ZNF491: variants seen among roughly 807,000 people sequenced by gnomAD.
The protein encoded by ZNF491 is zinc finger protein 491.
A neutral mutation model predicts 34.7 loss-of-function variants in ZNF491; 22 were observed. That is an observed-to-expected ratio of 0.63 (90% confidence interval 0.45 to 0.90). ZNF491 has a LOEUF of 0.90. Ranked by LOEUF, ZNF491 falls within the 40% of genes least tolerant of loss-of-function variation. The pLI, the probability that ZNF491 is intolerant of heterozygous loss-of-function variation, is 0.00. For missense variants in ZNF491, 559 were observed against 531.7 expected (o/e 1.05, Z -0.51); for synonymous variants, 148 against 174.3 (o/e 0.85, Z 1.19).
At chr19:11,799,312 G>A (rs1975533069) in intron 1 of ZNF491, 1 of 152,118 alleles carries the variant, frequency 6.6e-6, no homozygotes, top group Admixed American at 6.5e-5. Flanking sequence ...AAGAAGCTGG[G>A]AATGGCCCAT....
In ZNF491 at chr19:11,807,134, G is replaced by T. The variant is rs1338501591; in HGVS notation, c.1181G>T (p.Cys394Phe). The change falls in exon 3 of 3, where the codon TGT (cysteine) becomes TTT (phenylalanine). Residue 394 changes from cysteine to phenylalanine, a missense_variant. By Grantham distance (205) the Cys-to-Phe change is radical. Transcript: ENST00000323169. Reference sequence around the variant, plus strand: ...AAGCATTGTGGGAAAGCCTTCACTTGTTCCATATATATTAGAATACATGAA... The same window carrying T: ...AAGCATTGTGGGAAAGCCTTCACTTTTTCCATATATATTAGAATACATGAA... ...ECKHCGKAFTCSIYIRIHERI... is the reference protein window; with the variant it reads ...ECKHCGKAFTFSIYIRIHERI... The T allele has an allele frequency of 6.2e-7, 1 of 1,612,188 alleles. No homozygotes were observed. The highest frequency in any genetic ancestry group is 8.5e-7 in the Non-Finnish European group (1 of 1,179,396).
intron 1 of ZNF491, among the ~76,000 whole-genome samples, chr19:11,804,211 A>C (rs1192750301): frequency 2.6e-3 from 387 of 149,860 alleles, no homozygotes; most frequent in Middle Eastern, 6.9e-3. Context: ...TCAGACAAAA[A>C]AAAAAAAAAA....
chr19:11,807,181 C>T lies in ZNF491; in HGVS notation c.1228C>T (p.Pro410Ser). The change falls in exon 3 of 3, where the codon CCT becomes TCT. Residue 410 changes from proline (P) to serine (S), a missense_variant. Coordinates refer to ENST00000323169, the MANE Select transcript of ZNF491 (RefSeq NM_152356.4). Reference sequence around the variant, plus strand: ...TGAAAGAATTCACACTGGAGAGAAACCTTACCAATGTAAGGAATGTGGGAA... The same window carrying T: ...TGAAAGAATTCACACTGGAGAGAAATCTTACCAATGTAAGGAATGTGGGAA... ...IHERIHTGEK[P>S]YQCKECGKAF... is the part of the protein sequence containing the mutation. 4 of 1,602,722 alleles carry T rather than the reference C, an allele frequency of 2.5e-6. No homozygotes were observed. The highest frequency in any genetic ancestry group is 3.4e-6 in the Non-Finnish European group (4 of 1,175,884).
In ZNF491 at chr19:11,807,538, C is replaced by T. The variant is rs1227983379; in HGVS notation, c.*271C>T. On this transcript the variant is annotated 3_prime_UTR_variant, in exon 3 of 3. Transcript: ENST00000323169. ...ACATGGGCTGTGTGGCCCCCTGATT[C>T]TAGCCCATTTTCCTGATTCTCTGGC... 2.9e-6 allele frequency: 1 copy of T among 348,728 alleles called. No individual in the cohort carries two copies. Among genetic ancestry groups the T allele is most frequent in the African/African-American group, 2.1e-5 (1 of 47,442 alleles). The allele number at this position is 348,728 out of a possible 1,614,324, so 21.6% of individuals were successfully genotyped here. A position where few individuals can be genotyped will look rare whatever the true frequency, so the allele number is the denominator to read the frequency against.
In ZNF491 at chr19:11,806,775, GAT is replaced by G. The variant is rs1201523486; in HGVS notation, c.825_826del (p.Ile275MetfsTer15). Reference sequence around the variant, plus strand: ...CTGGAGAGAGGCCTCATAAATGTAAGATATGTGGGAAAGCCTTTTACTCTCCC... The same window carrying G: ...CTGGAGAGAGGCCTCATAAATGTAAGATGTGGGAAAGCCTTTTACTCTCCC... ...HTGERPHKCK[I>X]CGKAFYSPSS... On this transcript the variant is annotated frameshift_variant, in exon 3 of 3. Coordinates refer to ENST00000323169, the MANE Select transcript of ZNF491 (RefSeq NM_152356.4). LOFTEE classifies it high-confidence loss of function. The G allele has an allele frequency of 6.2e-7, 1 of 1,612,796 alleles. No homozygotes were observed. The highest frequency in any genetic ancestry group is 1.3e-5 in the African/African-American group (1 of 74,948).
At position 11,806,152 on chromosome 19, in the gene ZNF491, T is replaced by A. The variant is rs778715617; in HGVS notation, c.199T>A (p.Cys67Ser). 1 of 1,613,844 alleles carries A rather than the reference T, an allele frequency of 6.2e-7. No homozygotes were observed. The highest frequency in any genetic ancestry group is 8.5e-7 in the Non-Finnish European group (1 of 1,180,030). ...TGACACTGGACACCAACCACATAAG[T>A]GTCAGAAATTTTTAGAGAAGCCATA... ...RTDTGHQPHK[C>S]QKFLEKPYKH... is the part of the protein sequence containing the mutation. Residue 67 changes from cysteine (C) to serine (S), a missense_variant, in exon 3 of 3, where the codon TGT becomes AGT. Cys to Ser is a moderately radical substitution (Grantham distance 112, BLOSUM62 -1). Transcript: ENST00000323169.
chr19:11,802,341 T>C (rs55972630), intron 1 of ZNF491, among the ~76,000 whole-genome samples: 27,522 of 152,158 alleles, frequency 0.18, 3,161 homozygotes, highest in Non-Finnish European at 0.26. Flanking sequence ...CCATTTGGCA[T>C]GTTTGATGTG....
At position 11,798,746 on chromosome 19, in the gene ZNF491, C is replaced by G. The variant is rs1271576382; in HGVS notation, c.-134+19C>G. ...GGAAATGGTAAAGTGCCCGGCCTAG[C>G]GTCCAGATACGTGGAAGAGGGGCTG... is the stretch of plus-strand genomic sequence containing the variant. On this transcript the variant is annotated intron_variant, in intron 1 of 2. Transcript: ENST00000323169. This position sits in a 1 kb window ranked among gnomAD's most constrained non-coding sequence, Gnocchi z 4.0. 1 of 152,366 alleles carries G rather than the reference C, an allele frequency of 6.6e-6. No homozygotes were observed. Among genetic ancestry groups the G allele is most frequent in the Non-Finnish European group, 1.5e-5 (1 of 68,154 alleles). 9.4% of individuals were successfully genotyped at this position (152,366 alleles called of 1,614,324 possible). A position where few individuals can be genotyped will look rare whatever the true frequency, so the allele number is the denominator to read the frequency against.
At position 11,806,940 on chromosome 19, in the gene ZNF491, TAAGCA is replaced by T. The variant is rs769907045; in HGVS notation, c.989_993del (p.Lys330MetfsTer21). On this transcript the variant is annotated frameshift_variant, in exon 3 of 3. Coordinates refer to ENST00000323169, the MANE Select transcript of ZNF491 (RefSeq NM_152356.4). LOFTEE classifies it high-confidence loss of function. ...ACACTGGAGAGAAACCCGATGGGTG[TAAGCA>T]ATGTGGGAAAGCCTTCAGATCTGCC... 8.1e-6 allele frequency: 13 copies of T among 1,613,396 alleles called. No homozygotes were observed. In the East Asian group the frequency reaches 2.9e-4, roughly 36 times the overall value.
At chr19:11,804,259 A>G (rs576343836) in intron 1 of ZNF491, among the ~76,000 whole-genome samples, 5 of 150,368 alleles carry the variant, frequency 3.3e-5, no homozygotes, top group Non-Finnish European at 3.0e-5. Flanking sequence ...TACCATGTCC[A>G]GAGGGTCCAT....
At position 11,798,815 on chromosome 19, in the gene ZNF491, G is replaced by C. The variant is rs1389460205; in HGVS notation, c.-134+88G>C. 1.3e-5 allele frequency: 2 copies of C among 152,306 alleles called. No homozygotes were observed. The highest frequency in any genetic ancestry group is 3.9e-4 in the East Asian group (2 of 5,194). The allele number at this position is 152,306 out of a possible 1,614,324, so 9.4% of individuals were successfully genotyped here. ...CTGCTGTGGCGGGACCCAGGCCTCCGCTCGGGCGACCCCGGCGATTGGGAC... is the reference window on the plus strand; with the variant it reads ...CTGCTGTGGCGGGACCCAGGCCTCCCCTCGGGCGACCCCGGCGATTGGGAC... On this transcript the variant is annotated intron_variant, in intron 1 of 2. Transcript: ENST00000323169. This position sits in a 1 kb window ranked among gnomAD's most constrained non-coding sequence, Gnocchi z 4.0.
chr19:11,800,952 G>A (rs1030611080), intron 1 of ZNF491, among the ~76,000 whole-genome samples: 3 of 151,820 alleles, frequency 2.0e-5, no homozygotes, highest in Non-Finnish European at 2.9e-5. Context: ...CGGGAGGATC[G>A]CTTGAGCCCC....
chr19:11,800,951 C>A (rs550723173), intron 1 of ZNF491, among the ~76,000 whole-genome samples: 9 of 151,764 alleles, frequency 5.9e-5, no homozygotes, highest in African/African-American at 2.2e-4. Context: ...GCGGGAGGAT[C>A]GCTTGAGCCC....
intron 1 of ZNF491, among the ~76,000 whole-genome samples, chr19:11,800,058 G>A (rs915268804): frequency 6.6e-6 from 1 of 152,188 alleles, no homozygotes; most frequent in Non-Finnish European, 1.5e-5. Flanking sequence ...CAGCTAATAG[G>A]CAAGGTGAGG....
chr19:11,804,206 C>CAAAAA (rs71166629), intron 1 of ZNF491, among the ~76,000 whole-genome samples: 130 of 68,878 alleles, frequency 1.9e-3, no homozygotes, highest in East Asian at 4.8e-3. Context: ...CCATCTCAGA[C>CAAAAA]AAAAAAAAAA....
intron 1 of ZNF491, among the ~76,000 whole-genome samples, chr19:11,802,154 C>T (rs1975565168): frequency 6.6e-6 from 1 of 152,158 alleles, no homozygotes; most frequent in African/African-American, 2.4e-5. Flanking sequence ...TGAGATCCTA[C>T]TTTTAATTCT....
chr19:11,806,122 A>C lies in ZNF491; in HGVS notation c.169A>C (p.Arg57=). 1.2e-6 allele frequency: 2 copies of C among 1,613,946 alleles called. No individual in the cohort carries two copies. The highest frequency in any genetic ancestry group is 8.5e-7 in the Non-Finnish European group (1 of 1,180,018). Residue 57 remains arginine, a synonymous_variant, in exon 3 of 3, where the codon AGA becomes CGA. Coordinates refer to ENST00000323169, the MANE Select transcript of ZNF491 (RefSeq NM_152356.4). The stretch of plus-strand genomic sequence containing the variant: ...ATATTCATCCTTTAATAGGAACATC[A>C]GAACTGACACTGGACACCAACCACA... ...MGYSSFNRNI[R]TDTGHQPHKC... is the part of the protein sequence containing the mutation.
Position 11,806,709 on chromosome 19 carries a change from A to G in ZNF491, c.756A>G (p.Leu252=). 3.1e-6 allele frequency: 5 copies of G among 1,613,690 alleles called. No homozygotes were observed. Among genetic ancestry groups the G allele is most frequent in the Non-Finnish European group, 4.2e-6 (5 of 1,179,862 alleles). Residue 252 remains leucine, a synonymous_variant, in exon 3 of 3, where the codon TTA becomes TTG. Transcript: ENST00000323169. The part of the protein sequence containing the change: ...PYECKLYGKA[L]SRLISFRRHM... ...AATGTAAACTATATGGGAAAGCATTATCTCGCCTTATAAGCTTTCGAAGAC... is the reference window on the plus strand; with the variant it reads ...AATGTAAACTATATGGGAAAGCATTGTCTCGCCTTATAAGCTTTCGAAGAC...
rs200858631 is a variant in ZNF491 at position 11,807,022 on chromosome 19, T to G, written c.1069T>G (p.Cys357Gly). ...TCACACTGGTGAGAAACCCTATGAA[T>G]GTAAGCAATGTGGGAAAGCATTTCA... ...RTHTGEKPYE[C>G]KQCGKAFHCV... The change falls in exon 3 of 3, where the codon TGT (cysteine) becomes GGT (glycine). Residue 357 changes from cysteine (C) to glycine (G), a missense_variant. Transcript: ENST00000323169. 4.3e-6 allele frequency: 7 copies of G among 1,611,558 alleles called. No individual in the cohort carries two copies. In the East Asian group the frequency reaches 1.3e-4, roughly 31 times the overall value.
Sources: gnomAD v4.1 joint callset for allele counts (sites outside exome capture counted in the v4.1 genomes callset) on GRCh38, gnomAD v4.1.1 for gene constraint, Gnocchi (gnomAD v3.1) non-coding constraint, MANE v1.5 for transcripts, NCBI Gene and HGNC (gene_info 2026-07-23, HGNC 2026-07-21) for gene names.